CSMD1: variants seen among roughly 807,000 people sequenced by gnomAD.
CSMD1 encodes the protein CUB and Sushi multiple domains 1, also known as CUB and sushi domain-containing protein 1.
CSMD1 carries 213 observed loss-of-function variants against 417.5 expected under a neutral mutation model. The observed-to-expected ratio is 0.51, with a 90% CI of 0.46 to 0.57. The LOEUF is 0.57. CSMD1 is among the 20% of genes least tolerant of loss of function. The pLI, the probability that CSMD1 is intolerant of heterozygous loss-of-function variation, is 0.00. For missense variants in CSMD1, 6,923 were observed against 4,529.7 expected, an observed-to-expected ratio of 1.53 and a Z score of -15.17; for synonymous variants, 2,862 against 1,736.8, an observed-to-expected ratio of 1.65 and a Z score of -16.11.
intron 2 of CSMD1, among the ~76,000 whole-genome samples, chr8:4,503,491 A>C (rs1182261500): frequency 6.6e-6 from 1 of 152,198 alleles, no homozygotes; most frequent in Non-Finnish European, 1.5e-5. Context: ...ATATTATTAT[A>C]TTCTTAGAAA....
chr8:4,994,533 C>G lies in CSMD1; in HGVS notation c.-117G>C, dbSNP rs1811655561. On this transcript the variant is annotated 5_prime_UTR_variant, in exon 1 of 70. Coordinates refer to ENST00000635120, the MANE Select transcript of CSMD1 (RefSeq NM_033225.6). ...GCGAGCCGGAGAGAGAGCCCGGTCC[C>G]AAGACCCGCCGCGCATCCGACGCCT... The G allele has an allele frequency of 3.3e-6, 3 of 911,002 alleles. No homozygotes were observed. The highest frequency in any genetic ancestry group is 3.4e-6 in the Non-Finnish European group (2 of 591,860). The allele number at this position is 911,002 out of a possible 1,614,324, so 56.4% of individuals were successfully genotyped here. A position where few individuals can be genotyped will look rare whatever the true frequency, so the allele number is the denominator to read the frequency against.
intron 1 of CSMD1, among the ~76,000 whole-genome samples, chr8:4,761,513 A>C (rs2117096937): frequency 6.6e-6 from 1 of 152,192 alleles, no homozygotes; most frequent in Middle Eastern, 3.4e-3. Flanking sequence ...ATGTAGTTTC[A>C]TCATAAATTG....
intron 11 of CSMD1, among the ~76,000 whole-genome samples, chr8:3,485,323 A>C (rs1817962933): frequency 6.6e-6 from 1 of 152,114 alleles, no homozygotes; most frequent in South Asian, 2.1e-4. Context: ...TAATTATATA[A>C]CATTCTTGCA....
chr8:3,380,765 T>C (rs777054988), intron 18 of CSMD1, among the ~76,000 whole-genome samples: 3 of 151,922 alleles, frequency 2.0e-5, no homozygotes, highest in South Asian at 2.1e-4. Context: ...AGGGGAGGCA[T>C]AGCATTAGAA....
At chr8:4,349,622 G>C (rs1380220580) in intron 3 of CSMD1, among the ~76,000 whole-genome samples, 4 of 152,066 alleles carry the variant, frequency 2.6e-5, no homozygotes, top group African/African-American at 9.7e-5. Context: ...ACGTCTCCCT[G>C]AAATTTCACA....
chr8:3,790,661 T>G (rs756886599), intron 5 of CSMD1, among the ~76,000 whole-genome samples: 1 of 152,240 alleles, frequency 6.6e-6, no homozygotes, highest in Non-Finnish European at 1.5e-5. Context: ...GGGATTTTGT[T>G]GTTGTTGTTA....
chr8:4,957,758 A>G (rs1317739530), intron 1 of CSMD1, among the ~76,000 whole-genome samples: 1 of 152,154 alleles, frequency 6.6e-6, no homozygotes, highest in Non-Finnish European at 1.5e-5. Context: ...AGGACTCACC[A>G]TGCTTAATTT....
chr8:4,321,182 G>A (rs988496713), intron 3 of CSMD1, among the ~76,000 whole-genome samples: 1 of 152,098 alleles, frequency 6.6e-6, no homozygotes, highest in Non-Finnish European at 1.5e-5. Context: ...AGTGATCAAA[G>A]TGTAGGGTTC....
intron 3 of CSMD1, among the ~76,000 whole-genome samples, chr8:4,300,601 G>A (rs1020195341): frequency 2.0e-5 from 3 of 152,228 alleles, no homozygotes; most frequent in East Asian, 1.9e-4. Flanking sequence ...TGTTTCATAT[G>A]TATACATGTG....
intron 1 of CSMD1, among the ~76,000 whole-genome samples, chr8:4,688,937 T>G (rs1806580451): frequency 6.6e-6 from 1 of 152,202 alleles, no homozygotes; most frequent in Non-Finnish European, 1.5e-5. Flanking sequence ...AGCATTCACT[T>G]TCTTATTTTT....
intron 1 of CSMD1, among the ~76,000 whole-genome samples, chr8:4,730,077 T>C (rs1440378337): frequency 6.6e-6 from 1 of 152,086 alleles, no homozygotes; most frequent in Non-Finnish European, 1.5e-5. Context: ...CAAAATAAAT[T>C]GTATGACATC....
chr8:4,249,292 G>A (rs930296592), intron 3 of CSMD1, among the ~76,000 whole-genome samples: 3 of 152,206 alleles, frequency 2.0e-5, no homozygotes, highest in African/African-American at 4.8e-5. Context: ...GTTATGGAAG[G>A]TAGGATGAAG....
At chr8:4,771,893 G>A (rs149800466) in intron 1 of CSMD1, among the ~76,000 whole-genome samples, 108 of 152,248 alleles carry the variant, frequency 7.1e-4, no homozygotes, top group Middle Eastern at 3.4e-3. Flanking sequence ...CATGAAGGGA[G>A]CCTCCAGAAT....
intron 10 of CSMD1, among the ~76,000 whole-genome samples, chr8:3,553,120 A>AG (rs1011319591): frequency 8.8e-6 from 1 of 113,784 alleles, no homozygotes; most frequent in Non-Finnish European, 2.1e-5. Context: ...ATTGTGGACA[A>AG]GGAGAAAAAA....
intron 23 of CSMD1, among the ~76,000 whole-genome samples, chr8:3,316,042 G>A (rs1378316075): frequency 6.6e-6 from 1 of 152,106 alleles, no homozygotes; most frequent in Non-Finnish European, 1.5e-5. Flanking sequence ...CACTATGCAC[G>A]TATGTTCTCT....
chr8:3,947,173 G>A (rs1011513000), intron 5 of CSMD1, among the ~76,000 whole-genome samples: 1 of 152,170 alleles, frequency 6.6e-6, no homozygotes, highest in African/African-American at 2.4e-5. Flanking sequence ...TTCCATGGAT[G>A]CCCTTTACTG....
intron 3 of CSMD1, among the ~76,000 whole-genome samples, chr8:4,286,620 T>C (rs114632027): frequency 6.6e-6 from 1 of 152,158 alleles, no homozygotes; most frequent in African/African-American, 2.4e-5. Flanking sequence ...GAACACCACT[T>C]GACCTCGAAG....
At position 3,041,080 on chromosome 8, in the gene CSMD1, A is replaced by C. The variant is rs553055119; in HGVS notation, c.7660+11382T>G. The stretch of plus-strand genomic sequence containing the variant: ...ACAAGAAATAATAATTTTCTTAACC[A>C]ACATGAAAATGGCTGAGCAGAACTT... On this transcript the variant is annotated intron_variant, in intron 50 of 69. Transcript: ENST00000635120. Among the ~76,000 whole-genome samples, 21 of 152,344 alleles carry C rather than the reference A, an allele frequency of 1.4e-4. No homozygotes were observed. The South Asian group carries it at 4.1e-3, about 30-fold the overall frequency.
At chr8:3,416,500 T>C (rs548635085) in intron 12 of CSMD1, among the ~76,000 whole-genome samples, 15 of 152,278 alleles carry the variant, frequency 9.9e-5, no homozygotes, top group East Asian at 9.7e-4. Flanking sequence ...CGGTGTATAC[T>C]TGAATTTCAA....
Sources: gnomAD v4.1 joint callset for allele counts (sites outside exome capture counted in the v4.1 genomes callset) on GRCh38, gnomAD v4.1.1 for gene constraint, MANE v1.5 for transcripts, NCBI Gene and HGNC (gene_info 2026-07-23, HGNC 2026-07-21) for gene names.